The following CEPT1 variants were observed in gnomAD, a reference collection of about 807,000 sequenced individuals.
CEPT1 encodes the protein choline/ethanolaminephosphotransferase 1.
Under a neutral mutation model 42.6 loss-of-function variants are expected in CEPT1, and 7 were observed. The observed-to-expected ratio is 0.16, with a 90% confidence interval of 0.09 to 0.31. The LOEUF is 0.31. CEPT1 is among the 10% of genes least tolerant of loss of function. The pLI is 1.00. For synonymous variants in CEPT1, 171 were observed against 171.9 expected, an observed-to-expected ratio of 0.99 and a Z score of 0.04; for missense variants, 306 against 502.1, an observed-to-expected ratio of 0.61 and a Z score of 3.73.
chr1:111,171,508 T>G (rs1478120232), intron 4 of CEPT1, among the ~76,000 whole-genome samples: 1 of 152,214 alleles, frequency 6.6e-6, no homozygotes, highest in Non-Finnish European at 1.5e-5. Context: ...GCGTTGAAGG[T>G]TATTTTGACC....
intron 2 of CEPT1, among the ~76,000 whole-genome samples, chr1:111,158,648 C>T (rs1655698893): frequency 6.6e-6 from 1 of 152,046 alleles, no homozygotes; most frequent in Non-Finnish European, 1.5e-5. Flanking sequence ...GTAAAGAAAT[C>T]CATTTAACAT....
intron 4 of CEPT1, among the ~76,000 whole-genome samples, chr1:111,168,512 G>A (rs1300163936): frequency 3.4e-5 from 5 of 148,594 alleles, no homozygotes; most frequent in African/African-American, 5.0e-5. Context: ...TTTTTGAGGC[G>A]GAGTCTCACT....
At chr1:111,169,793 C>G (rs1404002738) in intron 4 of CEPT1, among the ~76,000 whole-genome samples, 1 of 152,112 alleles carries the variant, frequency 6.6e-6, no homozygotes, top group Non-Finnish European at 1.5e-5. Context: ...TATCTATAAG[C>G]TATTTCCTGT....
intron 1 of CEPT1, among the ~76,000 whole-genome samples, chr1:111,142,999 A>C (rs190045834): frequency 6.6e-6 from 1 of 152,368 alleles, no homozygotes; most frequent in African/African-American, 2.4e-5. Flanking sequence ...AATTTTATAC[A>C]GTTTAAAATA....
intron 1 of CEPT1, among the ~76,000 whole-genome samples, chr1:111,146,343 G>A (rs975024479): frequency 1.3e-5 from 2 of 151,724 alleles, no homozygotes; most frequent in Non-Finnish European, 2.9e-5. Context: ...CTCATCCCTA[G>A]TTCCCTTTCA....
chr1:111,147,455 G>C (rs1655030702), intron 1 of CEPT1, among the ~76,000 whole-genome samples, 187 bp from the exon 2 acceptor site: 1 of 152,130 alleles, frequency 6.6e-6, no homozygotes, highest in African/African-American at 2.4e-5. Flanking sequence ...TTTGCTTAAA[G>C]TTGAGGTTAT....
intron 2 of CEPT1, among the ~76,000 whole-genome samples, chr1:111,151,735 A>G (rs560919327): frequency 1.2e-4 from 19 of 152,340 alleles, no homozygotes; most frequent in Non-Finnish European, 2.4e-4. Flanking sequence ...ACAGTCTGGA[A>G]GAAAAAGATC....
At chr1:111,170,163 T>C (rs1203546452) in intron 4 of CEPT1, among the ~76,000 whole-genome samples, 2 of 152,198 alleles carry the variant, frequency 1.3e-5, no homozygotes, top group African/African-American at 4.8e-5. Context: ...TCAGAGATTG[T>C]GAGAGGATTC....
intron 4 of CEPT1, among the ~76,000 whole-genome samples, chr1:111,172,356 C>T (rs1305011425): frequency 6.6e-6 from 1 of 151,712 alleles, no homozygotes; most frequent in Non-Finnish European, 1.5e-5. Context: ...AATATTACCA[C>T]TGACGATTCT....
chr1:111,177,684 ATGTTT>A (rs1021485629), intron 5 of CEPT1, among the ~76,000 whole-genome samples: 16 of 152,206 alleles, frequency 1.1e-4, no homozygotes, highest in African/African-American at 3.9e-4. Context: ...TAAAGATCAA[ATGTTT>A]TGTCCTGTCT....
rs758950325 is a variant in CEPT1 at position 111,184,215 on chromosome 1, C to T, written c.1156C>T (p.Arg386Cys). ...GGTTTTCTCTTTCTTTGATTTGATC[C>T]GCTACTGTGTCAGTGTTTGCAATCA... ...ALVFSFFDLI[R>C]YCVSVCNQIA... The change falls in exon 9 of 9, where the codon CGC becomes TGC. Residue 386 changes from arginine (R) to cysteine (C), a missense_variant. Transcript: ENST00000357172. 20 of 1,613,280 alleles carry T rather than the reference C, an allele frequency of 1.2e-5. No homozygotes were observed. Among genetic ancestry groups the T allele is most frequent in the East Asian group, 8.9e-5 (4 of 44,842 alleles).
At chr1:111,152,701 G>A (rs938092679) in intron 2 of CEPT1, among the ~76,000 whole-genome samples, 1 of 152,154 alleles carries the variant, frequency 6.6e-6, no homozygotes, top group Non-Finnish European at 1.5e-5. Flanking sequence ...GCTGTTCATG[G>A]AACTCCAATT....
chr1:111,147,449 CT>C (rs1196549030), intron 1 of CEPT1, among the ~76,000 whole-genome samples, 192 bp from the exon 2 acceptor site: 5 of 152,028 alleles, frequency 3.3e-5, no homozygotes, highest in Admixed American at 2.6e-4. Context: ...CTATTTTTTG[CT>C]TAAAGTTGAG....
intron 1 of CEPT1, among the ~76,000 whole-genome samples, chr1:111,143,078 AG>A (rs1654748834): frequency 7.9e-5 from 12 of 152,272 alleles, no homozygotes; most frequent in Admixed American, 7.8e-4. Flanking sequence ...TGTGTTCTAA[AG>A]TTACAGGTTT....
In CEPT1 at chr1:111,149,966, C is replaced by A. The variant is rs1025422636; in HGVS notation, c.339+1913C>A. On this transcript the variant is annotated intron_variant, in intron 2 of 8. Coordinates refer to ENST00000357172, the MANE Select transcript of CEPT1 (RefSeq NM_006090.5). ...AAGTGATTTGGAATGTATGAATAAC[C>A]CAAGAATTAGTTAAATCTTTAGGGA... Among the ~76,000 whole-genome samples the A allele has an allele frequency of 2.0e-5, 3 of 152,176 alleles. No homozygotes were observed. The South Asian group carries it at 6.2e-4, about 31-fold the overall frequency.
At chr1:111,146,975 A>G (rs971624659) in intron 1 of CEPT1, among the ~76,000 whole-genome samples, 4 of 151,826 alleles carry the variant, frequency 2.6e-5, no homozygotes, top group Non-Finnish European at 5.9e-5. Context: ...GTTTGTTTGA[A>G]TACTACTTGG....
Position 111,140,897 on chromosome 1 carries a change from G to A in CEPT1, c.-74+590G>A, listed in dbSNP as rs539436736. ...GTTTATTTCAGCAGCATTCTTGCAA[G>A]GAGAAATAACCAAAAGAGTTGCTGG... On this transcript the variant is annotated intron_variant, in intron 1 of 8. Coordinates refer to ENST00000357172, the MANE Select transcript of CEPT1 (RefSeq NM_006090.5). Among the ~76,000 whole-genome samples, 5 of 152,352 alleles carry A rather than the reference G, an allele frequency of 3.3e-5. No individual in the cohort carries two copies. The East Asian group carries it at 7.7e-4, about 23-fold the overall frequency.
At chr1:111,170,401 A>T (rs1182898533) in intron 4 of CEPT1, among the ~76,000 whole-genome samples, 1 of 152,152 alleles carries the variant, frequency 6.6e-6, no homozygotes, top group Non-Finnish European at 1.5e-5. Flanking sequence ...GTTTTTAATA[A>T]TTAAGCTTAA....
intron 1 of CEPT1, among the ~76,000 whole-genome samples, chr1:111,147,367 A>G (rs1655025867): frequency 6.6e-6 from 1 of 152,178 alleles, no homozygotes. Flanking sequence ...TGTGGGATGG[A>G]AAAAGAATAT....
Sources: allele counts gnomAD v4.1 joint callset (sites outside exome capture counted in the v4.1 genomes callset), GRCh38; gene constraint gnomAD v4.1.1; transcripts MANE v1.5; gene names NCBI Gene and HGNC (gene_info 2026-07-23, HGNC 2026-07-21).